GRIP1: variants seen among roughly 807,000 people sequenced by gnomAD.
GRIP1 encodes glutamate receptor-interacting protein 1.
GRIP1 carries 45 observed loss-of-function variants against 129.9 expected under a neutral mutation model. That is an observed-to-expected ratio of 0.35 (90% CI 0.27 to 0.44). GRIP1 has a LOEUF of 0.44. GRIP1 is among the 20% of genes least tolerant of loss of function. The pLI, the probability that GRIP1 is intolerant of heterozygous loss-of-function variation, is 1.00. For missense variants in GRIP1, 1,196 were observed against 1,396.8 expected (o/e 0.86, Z 2.29); for synonymous variants, 530 against 520.8 (o/e 1.02, Z -0.24).
intron 1 of GRIP1, among the ~76,000 whole-genome samples, chr12:66,979,467 C>T (rs2042212445): frequency 6.6e-6 from 1 of 151,932 alleles, no homozygotes; most frequent in Non-Finnish European, 1.5e-5. Context: ...GCTGTCTTCA[C>T]GAACCCGTCA....
intron 1 of GRIP1, among the ~76,000 whole-genome samples, chr12:66,832,364 G>C (rs1441860557): frequency 6.6e-6 from 1 of 152,096 alleles, no homozygotes; most frequent in Non-Finnish European, 1.5e-5. Context: ...TGCTATCTAC[G>C]ACCCTCCTAT....
intron 1 of GRIP1, among the ~76,000 whole-genome samples, chr12:66,676,687 G>A (rs768088518): frequency 2.6e-5 from 4 of 152,150 alleles, no homozygotes. Flanking sequence ...GAGGGTGAGG[G>A]TGTGGGAGTT....
intron 1 of GRIP1, among the ~76,000 whole-genome samples, chr12:66,723,252 C>T (rs1355694033): frequency 9.2e-4 from 7 of 7,596 alleles, no homozygotes; most frequent in South Asian, 6.8e-3. Flanking sequence ...TCCTTCCTTC[C>T]TTCCTTCCTT....
At chr12:66,939,050 A>G (rs987789945) in intron 1 of GRIP1, among the ~76,000 whole-genome samples, 1 of 152,170 alleles carries the variant, frequency 6.6e-6, no homozygotes, top group Non-Finnish European at 1.5e-5. Context: ...TATCAGAGGC[A>G]AGTTGGTAGA....
intron 13 of GRIP1, among the ~76,000 whole-genome samples, chr12:66,437,933 A>T (rs2058359461): frequency 6.6e-6 from 1 of 152,238 alleles, no homozygotes; most frequent in South Asian, 2.1e-4. Flanking sequence ...TAGGTCTACG[A>T]TTCACCCTGC....
chr12:67,047,905 G>T (rs1382869935), intron 1 of GRIP1, among the ~76,000 whole-genome samples: 1 of 152,046 alleles, frequency 6.6e-6, no homozygotes. Context: ...TGAAAGCACT[G>T]GACAGCCTCT....
chr12:66,822,318 C>G (rs1164552491), intron 1 of GRIP1, among the ~76,000 whole-genome samples: 1 of 152,048 alleles, frequency 6.6e-6, no homozygotes, highest in Admixed American at 6.6e-5. Flanking sequence ...TTTTATAAAG[C>G]CAAAACAAGA....
chr12:66,818,208 T>C (rs2039258095), intron 1 of GRIP1, among the ~76,000 whole-genome samples: 1 of 152,182 alleles, frequency 6.6e-6, no homozygotes, highest in Admixed American at 6.5e-5. Context: ...ATGCAGGTCT[T>C]CCAAATGTTA....
chr12:67,006,998 G>C (rs1223364947), intron 1 of GRIP1, among the ~76,000 whole-genome samples: 3 of 152,146 alleles, frequency 2.0e-5, no homozygotes, highest in Non-Finnish European at 4.4e-5. Context: ...CATCATAAAA[G>C]CTTCTATAAC....
At chr12:66,784,924 T>C (rs1391987417) in intron 1 of GRIP1, among the ~76,000 whole-genome samples, 1 of 152,088 alleles carries the variant, frequency 6.6e-6, no homozygotes. Flanking sequence ...CACATCTCCC[T>C]GAAGCAAATA....
At chr12:66,729,177 T>G (rs2036350425) in intron 1 of GRIP1, among the ~76,000 whole-genome samples, 1 of 152,090 alleles carries the variant, frequency 6.6e-6, no homozygotes, top group Admixed American at 6.5e-5. Flanking sequence ...TGTGCACCAC[T>G]GAGCCTAACT....
chr12:66,816,440 C>G (rs7303495), intron 1 of GRIP1, among the ~76,000 whole-genome samples: 7,255 of 152,172 alleles, frequency 0.048, 572 homozygotes, highest in African/African-American at 0.17. Context: ...ACTAAAGGCT[C>G]TATCAAAATT....
chr12:66,811,252 G>C (rs1349306842), intron 1 of GRIP1, among the ~76,000 whole-genome samples: 1 of 152,116 alleles, frequency 6.6e-6, no homozygotes, highest in Admixed American at 6.5e-5. Context: ...GAGCATAAAA[G>C]AGCAAAAGCA....
At chr12:66,653,345 T>C (rs2032934411) in intron 1 of GRIP1, among the ~76,000 whole-genome samples, 2 of 152,230 alleles carry the variant, frequency 1.3e-5, no homozygotes. Context: ...CCCTGTAAGC[T>C]GAACAGCTCA....
rs567237723 is a variant in GRIP1, at chr12:66,867,283, C to T, written c.58+201767G>A. 2.6e-5 allele frequency among the ~76,000 whole-genome samples: 4 copies of T among 152,232 alleles called. No homozygotes were observed. The East Asian group carries it at 7.7e-4, about 29-fold the overall frequency. On this transcript the variant is annotated intron_variant, in intron 1 of 1. Coordinates refer to the GRIP1 transcript ENST00000643019. ...GGATTACACATGTGAGCCATAGTGC[C>T]CAATCTCATATTTTATTAAAAGCCC...
chr12:66,587,438 G>T (rs1417164122), intron 2 of GRIP1, among the ~76,000 whole-genome samples: 1 of 152,152 alleles, frequency 6.6e-6, no homozygotes, highest in Non-Finnish European at 1.5e-5. Context: ...TCCCTTTATT[G>T]TACATAGCAT....
intron 1 of GRIP1, among the ~76,000 whole-genome samples, chr12:67,016,382 TTTATAA>T (rs2042787550): frequency 6.6e-6 from 1 of 152,184 alleles, no homozygotes; most frequent in African/African-American, 2.4e-5. Flanking sequence ...ATGACCTTTA[TTTATAA>T]GAATAAATAA....
chr12:66,440,964 C>T (rs2058456325), intron 13 of GRIP1, among the ~76,000 whole-genome samples: 1 of 152,316 alleles, frequency 6.6e-6, no homozygotes, highest in Middle Eastern at 3.4e-3. Context: ...ACAATGGTGT[C>T]CAGTCTCTTT....
At chr12:66,798,885 CA>C (rs2038777606) in intron 1 of GRIP1, among the ~76,000 whole-genome samples, 1 of 151,798 alleles carries the variant, frequency 6.6e-6, no homozygotes, top group African/African-American at 2.4e-5. Flanking sequence ...GCCTACTGTT[CA>C]AAAAAATAAA....
Sources: gnomAD v4.1 joint callset for allele counts (sites outside exome capture counted in the v4.1 genomes callset) on GRCh38, gnomAD v4.1.1 for gene constraint, MANE v1.5 for transcripts, NCBI Gene and HGNC (gene_info 2026-07-23, HGNC 2026-07-21) for gene names.